Variants in CARMIL1 observed in about 807,000 individuals in gnomAD.
CARMIL1 encodes the protein capping protein regulator and myosin 1 linker 1, also known as F-actin-uncapping protein LRRC16A.
CARMIL1 carries 90 observed loss-of-function variants against 177.1 expected under a neutral mutation model. That is an observed-to-expected ratio of 0.51 (90% CI 0.43 to 0.61). CARMIL1 has a LOEUF of 0.61. CARMIL1 is among the 20% of genes least tolerant of loss of function. The pLI is 0.00. For missense variants in CARMIL1, 1,380 were observed against 1,667.0 expected, an observed-to-expected ratio of 0.83 and a Z score of 3.00; for synonymous variants, 577 against 606.2, an observed-to-expected ratio of 0.95 and a Z score of 0.71.
At chr6:25,412,552 G>A (rs1456761905) in intron 2 of CARMIL1, among the ~76,000 whole-genome samples, 1 of 152,206 alleles carries the variant, frequency 6.6e-6, no homozygotes, top group Non-Finnish European at 1.5e-5. Flanking sequence ...CTGCACCCTA[G>A]GTGACAGAGT....
At chr6:25,579,210 C>A (rs1812892298) in intron 29 of CARMIL1, among the ~76,000 whole-genome samples, 2 of 148,944 alleles carry the variant, frequency 1.3e-5, no homozygotes, top group Admixed American at 1.3e-4. Flanking sequence ...TTAAACCAGA[C>A]TATTTTTGCC....
At position 25,341,200 on chromosome 6, in the gene CARMIL1, A is replaced by G. The variant is rs531184630; in HGVS notation, c.138+56291A>G. On this transcript the variant is annotated intron_variant, in intron 2 of 36. Transcript: ENST00000329474. ...CGTTTAGGTATTTGCTGTCATTTAC[A>G]TAGCTAGTTAAGTAACTGCGCTGGG... Among the ~76,000 whole-genome samples the G allele has an allele frequency of 1.4e-4, 22 of 152,330 alleles. No individual in the cohort carries two copies. In the South Asian group the frequency reaches 2.9e-3, roughly 20 times the overall value.
intron 2 of CARMIL1, among the ~76,000 whole-genome samples, chr6:25,356,350 C>T (rs1008818037): frequency 1.3e-5 from 2 of 152,202 alleles, no homozygotes. Context: ...AGCCACCGCG[C>T]CCGGTCCTCC....
intron 5 of CARMIL1, among the ~76,000 whole-genome samples, chr6:25,442,149 TAAAG>T (rs1457131321): frequency 6.6e-6 from 1 of 151,838 alleles, no homozygotes; most frequent in African/African-American, 2.4e-5. Context: ...AATTGAATTT[TAAAG>T]AAATCAATTA....
chr6:25,343,847 A>G (rs758861864), intron 2 of CARMIL1, among the ~76,000 whole-genome samples: 3 of 151,514 alleles, frequency 2.0e-5, no homozygotes, highest in Non-Finnish European at 1.5e-5. Context: ...ACCCTTTTTC[A>G]TCTTTCCCGT....
chr6:25,592,730 C>G (rs903801971), intron 31 of CARMIL1, among the ~76,000 whole-genome samples: 1 of 152,164 alleles, frequency 6.6e-6, no homozygotes, highest in African/African-American at 2.4e-5. Flanking sequence ...CCATGTTCCC[C>G]CTAGGCACCT....
chr6:25,610,308 T>A, intron 36 of CARMIL1, 127 bp downstream of exon 36: 1 of 1,143,304 alleles, frequency 8.7e-7, no homozygotes, highest in Non-Finnish European at 1.2e-6. Context: ...TTGCTTGGGT[T>A]AAATTTTTGG....
chr6:25,341,993 A>G (rs976312965), intron 2 of CARMIL1, among the ~76,000 whole-genome samples: 1 of 152,156 alleles, frequency 6.6e-6, no homozygotes, highest in Non-Finnish European at 1.5e-5. Context: ...AAAGAAGTTG[A>G]TATCTTTAAA....
At chr6:25,483,279 C>T (rs1237311061) in intron 12 of CARMIL1, among the ~76,000 whole-genome samples, 1 of 152,088 alleles carries the variant, frequency 6.6e-6, no homozygotes, top group Non-Finnish European at 1.5e-5. Context: ...CTTTTGGAAA[C>T]AGTATGTATA....
intron 23 of CARMIL1, among the ~76,000 whole-genome samples, chr6:25,521,657 T>A (rs1806572208): frequency 6.6e-6 from 1 of 151,334 alleles, no homozygotes; most frequent in South Asian, 2.1e-4. Flanking sequence ...TAGTCCCAGC[T>A]ACTCGGAAGG....
intron 26 of CARMIL1, among the ~76,000 whole-genome samples, chr6:25,550,197 A>G (rs903326059): frequency 1.3e-5 from 2 of 152,172 alleles, no homozygotes; most frequent in Non-Finnish European, 2.9e-5. Context: ...TGCCCTACCC[A>G]TCTTCACAGA....
intron 2 of CARMIL1, among the ~76,000 whole-genome samples, chr6:25,327,802 G>A (rs980559767): frequency 2.2e-4 from 33 of 152,306 alleles, no homozygotes; most frequent in African/African-American, 7.9e-4. Flanking sequence ...TCTTGGAATT[G>A]ACTGTCTTAA....
In CARMIL1 at chr6:25,585,701, C is replaced by A. The variant is rs556530740; in HGVS notation, c.3006+4262C>A. Among the ~76,000 whole-genome samples the A allele has an allele frequency of 3.3e-5, 5 of 152,216 alleles. No individual in the cohort carries two copies. In the South Asian group the frequency reaches 8.3e-4, roughly 25 times the overall value. On this transcript the variant is annotated intron_variant, in intron 31 of 36. Transcript: ENST00000329474. ...CTAGGCAGAGGACCCTGCGGCCTTCCGCAGTGTTTGTGTCCCTGGGTACTT... is the reference window on the plus strand; with the variant it reads ...CTAGGCAGAGGACCCTGCGGCCTTCAGCAGTGTTTGTGTCCCTGGGTACTT...
chr6:25,490,424 G>T (rs1375470303), intron 13 of CARMIL1, among the ~76,000 whole-genome samples: 1 of 152,216 alleles, frequency 6.6e-6, no homozygotes, highest in Non-Finnish European at 1.5e-5. Context: ...ATGGCTGGGT[G>T]TAGTGGCTCA....
intron 23 of CARMIL1, among the ~76,000 whole-genome samples, chr6:25,525,159 A>T (rs1806968681): frequency 6.6e-6 from 1 of 152,208 alleles, no homozygotes; most frequent in Non-Finnish European, 1.5e-5. Context: ...ATAAATACCA[A>T]AAAAGCACCC....
chr6:25,386,375 T>C (rs177333), intron 2 of CARMIL1, among the ~76,000 whole-genome samples: 127,901 of 152,066 alleles, frequency 0.84, 54,071 homozygotes, highest in African/African-American at 0.92. Context: ...GCCTCAGCCT[T>C]CCAGGTAGCT....
chr6:25,352,282 C>A (rs937035365), intron 2 of CARMIL1, among the ~76,000 whole-genome samples: 2 of 151,248 alleles, frequency 1.3e-5, no homozygotes, highest in African/African-American at 2.4e-5. Flanking sequence ...GGTCATCTTG[C>A]TCTTTCTCTT....
chr6:25,612,974 C>T (rs1032853882), intron 36 of CARMIL1: 13 of 831,280 alleles, frequency 1.6e-5, no homozygotes, highest in African/African-American at 3.7e-5. Context: ...TGAATTCTAT[C>T]GTGGGACTGG....
In CARMIL1 at chr6:25,393,771, C is replaced by T. The variant is rs181098703; in HGVS notation, c.139-26343C>T. ...ACTTGAGAGGCTGAGGCAGGAGGAT[C>T]GCTTGAACCCAGGAGTTGGAGGCTG... is the stretch of plus-strand genomic sequence containing the variant. On this transcript the variant is annotated intron_variant, in intron 2 of 36. Coordinates refer to ENST00000329474, the MANE Select transcript of CARMIL1 (RefSeq NM_017640.6). Among the ~76,000 whole-genome samples, 32 of 150,656 alleles carry T rather than the reference C, an allele frequency of 2.1e-4. No homozygotes were observed. In the East Asian group the frequency reaches 4.3e-3, roughly 20 times the overall value.
Sources: allele counts gnomAD v4.1 joint callset (sites outside exome capture counted in the v4.1 genomes callset), GRCh38; gene constraint gnomAD v4.1.1; transcripts MANE v1.5; gene names NCBI Gene and HGNC (gene_info 2026-07-23, HGNC 2026-07-21).